Variants in ANKIB1 observed in about 807,000 individuals in gnomAD.
ANKIB1 encodes the protein ankyrin repeat and IBR domain containing 1.
In ANKIB1, 43 loss-of-function variants were observed where a neutral mutation model predicts 122.1. The observed-to-expected ratio is 0.35, with a 90% CI of 0.28 to 0.45. The LOEUF is 0.45. Among genes scored for constraint, ANKIB1 ranks in the 20% least tolerant of loss-of-function variants. The pLI is 1.00. For synonymous variants in ANKIB1, 390 were observed against 442.0 expected, an observed-to-expected ratio of 0.88 and a Z score of 1.48; for missense variants, 992 against 1,329.5, an observed-to-expected ratio of 0.75 and a Z score of 3.95.
intron 7 of ANKIB1, among the ~76,000 whole-genome samples, chr7:92,350,609 G>A (rs1803641115): frequency 6.6e-6 from 1 of 152,108 alleles, no homozygotes; most frequent in Non-Finnish European, 1.5e-5. Flanking sequence ...TATAACCCCA[G>A]GGCTTTGGGA....
intron 2 of ANKIB1, among the ~76,000 whole-genome samples, chr7:92,297,652 C>G (rs970520861): frequency 3.3e-5 from 5 of 150,978 alleles, no homozygotes; most frequent in African/African-American, 9.7e-5. Flanking sequence ...TTAAAAGTAT[C>G]TGGCATCTAA....
chr7:92,353,332 T>G (rs1205499415), intron 9 of ANKIB1, among the ~76,000 whole-genome samples: 1 of 152,218 alleles, frequency 6.6e-6, no homozygotes, highest in East Asian at 1.9e-4. Flanking sequence ...AAACTGATGA[T>G]AAATCAGTAT....
chr7:92,267,458 A>G (rs887943172), intron 1 of ANKIB1, among the ~76,000 whole-genome samples: 1 of 152,290 alleles, frequency 6.6e-6, no homozygotes, highest in African/African-American at 2.4e-5. Flanking sequence ...GGTTCTTCAT[A>G]TAAGGTGAAT....
At chr7:92,260,332 C>G (rs1217680442) in intron 1 of ANKIB1, among the ~76,000 whole-genome samples, 1 of 152,218 alleles carries the variant, frequency 6.6e-6, no homozygotes, top group African/African-American at 2.4e-5. Flanking sequence ...CTGGAATACT[C>G]TTTCCCCTAG....
intron 1 of ANKIB1, among the ~76,000 whole-genome samples, chr7:92,251,915 G>A (rs1227997858): frequency 6.6e-6 from 1 of 152,152 alleles, no homozygotes; most frequent in Non-Finnish European, 1.5e-5. Context: ...GTTACAGTTG[G>A]TTGTTATGTC....
intron 11 of ANKIB1, among the ~76,000 whole-genome samples, chr7:92,384,762 A>G (rs1804595665): frequency 6.6e-6 from 1 of 152,220 alleles, no homozygotes; most frequent in Admixed American, 6.5e-5. Context: ...CTTAACTATT[A>G]GACCTAAAAC....
intron 18 of ANKIB1, among the ~76,000 whole-genome samples, chr7:92,397,012 A>T (rs1804910429): frequency 6.6e-6 from 1 of 152,214 alleles, no homozygotes; most frequent in South Asian, 2.1e-4. Context: ...AAATCTTCTG[A>T]CTATAATGTC....
Position 92,293,187 on chromosome 7 carries a change from C to A in ANKIB1, c.-90-1702C>A, listed in dbSNP as rs369265394. Among the ~76,000 whole-genome samples, 28 of 152,192 alleles carry A rather than the reference C, an allele frequency of 1.8e-4. 1 individual carries two copies. The South Asian group carries it at 3.3e-3, about 18-fold the overall frequency. ...AAATCACATAAGGAGCTTAAATACC[C>A]GTGCCTGGGTGCTTCCCCTAGAGAC... is the stretch of plus-strand genomic sequence containing the variant. On this transcript the variant is annotated intron_variant, in intron 1 of 19. Transcript: ENST00000265742.
chr7:92,346,014 A>G (rs1266987415), intron 7 of ANKIB1, among the ~76,000 whole-genome samples: 2 of 152,246 alleles, frequency 1.3e-5, no homozygotes, highest in Middle Eastern at 3.4e-3. Context: ...CACAACCCTT[A>G]GAATCTGTCA....
intron 1 of ANKIB1, among the ~76,000 whole-genome samples, chr7:92,287,104 T>C (rs1319737361): frequency 6.6e-6 from 1 of 152,236 alleles, no homozygotes; most frequent in African/African-American, 2.4e-5. Flanking sequence ...GCAAAAATAG[T>C]ACAGAGAGTT....
intron 1 of ANKIB1, among the ~76,000 whole-genome samples, chr7:92,278,582 C>G (rs1364931877): frequency 4.6e-5 from 7 of 152,124 alleles, no homozygotes; most frequent in Non-Finnish European, 1.0e-4. Context: ...CTTGTTCTCA[C>G]CCAGACTTTT....
chr7:92,268,344 T>C (rs906562177), intron 1 of ANKIB1, among the ~76,000 whole-genome samples: 1 of 152,184 alleles, frequency 6.6e-6, no homozygotes, highest in Non-Finnish European at 1.5e-5. Flanking sequence ...AAAATTGGAA[T>C]ATAATGGAAG....
At chr7:92,375,617 A>G (rs1001663951) in intron 11 of ANKIB1, among the ~76,000 whole-genome samples, 17 of 152,144 alleles carry the variant, frequency 1.1e-4, no homozygotes, top group African/African-American at 4.1e-4. Flanking sequence ...ATCTGAGGTT[A>G]TTTTTTCTAC....
At position 92,386,978 on chromosome 7, in the gene ANKIB1, A is replaced by G. The variant is rs186152053; in HGVS notation, c.1752+335A>G. On this transcript the variant is annotated intron_variant, in intron 12 of 19. Coordinates refer to ENST00000265742, the MANE Select transcript of ANKIB1 (RefSeq NM_019004.2). ...GTCTTAGTCTGCTCAGCTGCCATAGAAAATACATAGACTGGGTGGCTTACC... is the reference window on the plus strand; with the variant it reads ...GTCTTAGTCTGCTCAGCTGCCATAGGAAATACATAGACTGGGTGGCTTACC... Among the ~76,000 whole-genome samples, 33 of 152,298 alleles carry G rather than the reference A, an allele frequency of 2.2e-4. No homozygotes were observed. The East Asian group carries it at 5.6e-3, about 26-fold the overall frequency.
At chr7:92,380,614 TAGGG>T (rs1333345833) in intron 11 of ANKIB1, among the ~76,000 whole-genome samples, 1 of 152,110 alleles carries the variant, frequency 6.6e-6, no homozygotes, top group Non-Finnish European at 1.5e-5. Context: ...CCCAGGCAAA[TAGGG>T]TCTGGAGTGG....
At chr7:92,377,789 A>G (rs1804417269) in intron 11 of ANKIB1, among the ~76,000 whole-genome samples, 2 of 152,130 alleles carry the variant, frequency 1.3e-5, no homozygotes, top group East Asian at 3.9e-4. Flanking sequence ...CCCCAAAAAA[A>G]CCCATTCCCA....
intron 1 of ANKIB1, among the ~76,000 whole-genome samples, chr7:92,276,588 G>A (rs1355890396): frequency 6.6e-6 from 1 of 152,238 alleles, no homozygotes; most frequent in Non-Finnish European, 1.5e-5. Flanking sequence ...TACCTTGACA[G>A]CTAAGCCCTT....
At chr7:92,288,749 A>G (rs1414227903) in intron 1 of ANKIB1, among the ~76,000 whole-genome samples, 3 of 152,238 alleles carry the variant, frequency 2.0e-5, no homozygotes, top group African/African-American at 7.2e-5. Context: ...CATGGCAAAT[A>G]AGCATGAAAG....
intron 1 of ANKIB1, among the ~76,000 whole-genome samples, chr7:92,276,315 T>G (rs1485584308): frequency 6.6e-6 from 1 of 152,192 alleles, no homozygotes; most frequent in Non-Finnish European, 1.5e-5. Flanking sequence ...ATTTACCAAT[T>G]TAATAGGTAG....
Sources: gnomAD v4.1 joint callset for allele counts (sites outside exome capture counted in the v4.1 genomes callset) on GRCh38, gnomAD v4.1.1 for gene constraint, MANE v1.5 for transcripts, NCBI Gene and HGNC (gene_info 2026-07-23, HGNC 2026-07-21) for gene names.